The following CEP85L variants were observed in gnomAD, a reference collection of about 807,000 sequenced individuals.
CEP85L encodes centrosomal protein 85L, also known as centrosomal protein of 85 kDa-like.
Under a neutral mutation model 100.3 loss-of-function variants are expected in CEP85L, and 60 were observed. The observed-to-expected ratio is 0.60, with a 90% CI of 0.49 to 0.74. The LOEUF is 0.74. Ranked by LOEUF, CEP85L falls within the 30% of genes least tolerant of loss-of-function variation. The pLI is 0.00. For missense variants in CEP85L, 973 were observed against 936.2 expected (o/e 1.04, Z -0.51); for synonymous variants, 319 against 322.7 (o/e 0.99, Z 0.12).
At chr6:118,699,446 C>A (rs545138349) in intron 1 of CEP85L, among the ~76,000 whole-genome samples, 31 of 118,310 alleles carry the variant, frequency 2.6e-4, no homozygotes, top group South Asian at 1.7e-3. Flanking sequence ...CAGAGCAAGA[C>A]CTTGTCTCAA....
intron 2 of CEP85L, among the ~76,000 whole-genome samples, chr6:118,599,198 T>C (rs776986342): frequency 4.6e-5 from 7 of 152,046 alleles, no homozygotes; most frequent in African/African-American, 9.7e-5. Context: ...CCAGAGCTCA[T>C]TGGTGAAATG....
chr6:118,524,595 G>A (rs1023334493), intron 3 of CEP85L, among the ~76,000 whole-genome samples: 10 of 152,318 alleles, frequency 6.6e-5, no homozygotes, highest in African/African-American at 2.4e-4. Context: ...ACATTAGCAG[G>A]AGATTTTCCA....
At chr6:118,705,160 T>G (rs117967085) in intron 1 of CEP85L, among the ~76,000 whole-genome samples, 1,912 of 152,272 alleles carry the variant, frequency 0.013, 18 homozygotes, top group Non-Finnish European at 0.021. Flanking sequence ...CATTTTCAAC[T>G]TATTTCTTCT....
At chr6:118,595,476 C>T (rs1428099488) in intron 2 of CEP85L, among the ~76,000 whole-genome samples, 1 of 152,202 alleles carries the variant, frequency 6.6e-6, no homozygotes, top group African/African-American at 2.4e-5. Context: ...TGCTGAGATT[C>T]TCATGTAATC....
In CEP85L at chr6:118,651,256, A is replaced by C; in HGVS notation, c.14T>G (p.Phe5Cys). The C allele has an allele frequency of 1.3e-6, 2 of 1,491,636 alleles. No individual in the cohort carries two copies. The highest frequency in any genetic ancestry group is 1.8e-6 in the Non-Finnish European group (2 of 1,126,240). The allele number at this position is 1,491,636 out of a possible 1,614,324, so 92.4% of individuals were successfully genotyped here. A position where few individuals can be genotyped will look rare whatever the true frequency, so the allele number is the denominator to read the frequency against. Residue 5 changes from phenylalanine (F) to cysteine (C), a missense_variant, in exon 1 of 13, where the codon TTC (phenylalanine) becomes TGC (cysteine). By Grantham distance (205) the Phe-to-Cys change is radical. Transcript: ENST00000368491. ...CCGGCCGCTGGCCTCCGGAGCCAGGAAGCGCCCCCACATCGCGGGCGAGAG... is the reference window on the plus strand; with the variant it reads ...CCGGCCGCTGGCCTCCGGAGCCAGGCAGCGCCCCCACATCGCGGGCGAGAG... The part of the protein sequence containing the change: MWGR[F>C]LAPEASGRDS...
intron 2 of CEP85L, among the ~76,000 whole-genome samples, chr6:118,573,045 A>C (rs1304908335): frequency 6.6e-6 from 1 of 152,176 alleles, no homozygotes. Context: ...TTGGGTAACA[A>C]GAGTGATACT....
At chr6:118,532,037 G>C (rs1179964127) in intron 3 of CEP85L, among the ~76,000 whole-genome samples, 3 of 152,040 alleles carry the variant, frequency 2.0e-5, no homozygotes, top group Non-Finnish European at 4.4e-5. Context: ...TTCTACCGGA[G>C]ACACATGCAC....
At chr6:118,581,000 A>C (rs1287200569) in intron 2 of CEP85L, among the ~76,000 whole-genome samples, 1 of 152,114 alleles carries the variant, frequency 6.6e-6, no homozygotes, top group Non-Finnish European at 1.5e-5. Flanking sequence ...CAGTATTTCT[A>C]AGCCAACAGT....
intron 1 of CEP85L, among the ~76,000 whole-genome samples, chr6:118,669,622 T>G (rs1027596315): frequency 6.6e-6 from 1 of 152,116 alleles, no homozygotes; most frequent in African/African-American, 2.4e-5. Context: ...AGTCACTTTG[T>G]GAAAAACCAA....
chr6:118,643,702 G>A (rs1380969159), intron 1 of CEP85L, among the ~76,000 whole-genome samples: 3 of 152,072 alleles, frequency 2.0e-5, no homozygotes, highest in African/African-American at 7.2e-5. Context: ...CAAAAGTAGG[G>A]GTAGAGTTAC....
intron 11 of CEP85L, among the ~76,000 whole-genome samples, chr6:118,470,189 T>G (rs1422748007): frequency 1.3e-5 from 2 of 152,098 alleles, no homozygotes; most frequent in African/African-American, 4.8e-5. Flanking sequence ...CCTTCTTATC[T>G]TGAAAACTGC....
intron 3 of CEP85L, among the ~76,000 whole-genome samples, chr6:118,536,573 T>C (rs1388514149): frequency 6.6e-6 from 1 of 152,180 alleles, no homozygotes; most frequent in Non-Finnish European, 1.5e-5. Flanking sequence ...AGAGAATCCT[T>C]AAGTCCCAAA....
intron 8 of CEP85L, among the ~76,000 whole-genome samples, chr6:118,481,230 G>C (rs764219443): frequency 3.3e-5 from 5 of 150,812 alleles, no homozygotes; most frequent in Admixed American, 1.3e-4. Flanking sequence ...TCGTTATTTA[G>C]AATTTTTACT....
chr6:118,494,084 G>A (rs1216931651), intron 5 of CEP85L, among the ~76,000 whole-genome samples: 1 of 152,200 alleles, frequency 6.6e-6, no homozygotes, highest in Non-Finnish European at 1.5e-5. Flanking sequence ...GGAAAAAAAG[G>A]ATAGGTAGAA....
chr6:118,600,370 T>TGTGTGTGTGTGTGTGTGTG (rs58066356), intron 2 of CEP85L, among the ~76,000 whole-genome samples: 1 of 86,440 alleles, frequency 1.2e-5, no homozygotes, highest in Non-Finnish European at 2.6e-5. Context: ...TGTGTGTGTG[T>TGTGTGTGTGTGTGTGTGTG]AACGCCATGG....
At chr6:118,522,880 A>G (rs1007286944) in intron 4 of CEP85L, among the ~76,000 whole-genome samples, 1 of 152,272 alleles carries the variant, frequency 6.6e-6, no homozygotes, top group East Asian at 1.9e-4. Context: ...CTCCCAAAAA[A>G]AAAAAAAAAT....
intron 3 of CEP85L, among the ~76,000 whole-genome samples, chr6:118,557,684 C>T (rs903939835): frequency 6.6e-6 from 1 of 151,980 alleles, no homozygotes; most frequent in African/African-American, 2.4e-5. Flanking sequence ...GCACCCCAAA[C>T]CAGAATAAGA....
chr6:118,565,421 A>C (rs563653390), intron 3 of CEP85L, 108 bp downstream of exon 3: 8 of 1,096,942 alleles, frequency 7.3e-6, no homozygotes, highest in East Asian at 2.4e-5. Context: ...TGCAGGGAAA[A>C]GGAAATGCAA....
intron 3 of CEP85L, among the ~76,000 whole-genome samples, chr6:118,564,537 C>T (rs1779392445): frequency 6.6e-6 from 1 of 152,100 alleles, no homozygotes; most frequent in African/African-American, 2.4e-5. Context: ...AATAAAGGTA[C>T]ATGCGACATG....
Sources: gnomAD v4.1 joint callset for allele counts (sites outside exome capture counted in the v4.1 genomes callset) on GRCh38, gnomAD v4.1.1 for gene constraint, MANE v1.5 for transcripts, NCBI Gene and HGNC (gene_info 2026-07-23, HGNC 2026-07-21) for gene names.